The following FER1L5 variants were observed in gnomAD, a reference collection of about 807,000 sequenced individuals.
FER1L5 encodes the protein fer-1-like protein 5.
In FER1L5, 187 loss-of-function variants were observed where a neutral mutation model predicts 279.9. That is an observed-to-expected ratio of 0.67 (90% CI 0.59 to 0.75). FER1L5 has a LOEUF of 0.75. FER1L5 is among the 30% of genes least tolerant of loss of function. The pLI is 0.00. For missense variants in FER1L5, 2,091 were observed against 2,594.4 expected (o/e 0.81, Z 4.21); for synonymous variants, 921 against 989.7 (o/e 0.93, Z 1.30).
chr2:96,645,727 C>T (rs2075091705), intron 1 of FER1L5, among the ~76,000 whole-genome samples: 1 of 152,042 alleles, frequency 6.6e-6, no homozygotes, highest in Admixed American at 6.6e-5. Flanking sequence ...ATTGAGCCCA[C>T]ATCATGCCAC....
At chr2:96,696,981 C>T (rs1310376965) in intron 37 of FER1L5, among the ~76,000 whole-genome samples, 2 of 152,140 alleles carry the variant, frequency 1.3e-5, no homozygotes, top group South Asian at 2.1e-4. Flanking sequence ...TTAGCTCAAG[C>T]GATCCTCCCA....
At chr2:96,665,552 C>G (rs1444127506) in intron 14 of FER1L5, among the ~76,000 whole-genome samples, 1 of 152,042 alleles carries the variant, frequency 6.6e-6, no homozygotes, top group Non-Finnish European at 1.5e-5. Context: ...TGTGGCTGTT[C>G]AGAGCCTTGG....
intron 9 of FER1L5, among the ~76,000 whole-genome samples, chr2:96,659,290 T>TTCCTTCCTTCCCTCCTTCC (rs1553449027): frequency 1.2e-5 from 1 of 80,942 alleles, no homozygotes; most frequent in Non-Finnish European, 2.7e-5. Flanking sequence ...TTTATCAAGC[T>TTCCTTCCTTCCCTCCTTCC]TTCCTTCCTT....
chr2:96,660,455 C>G, intron 10 of FER1L5, 84 bp downstream of exon 10: 12 of 1,219,856 alleles, frequency 9.8e-6, no homozygotes, highest in African/African-American at 1.5e-5. Flanking sequence ...CCCATATGTC[C>G]AACACATGGG....
At chr2:96,659,470 T>TTTCCTTCTTTCTTTCC (rs2075844543) in intron 9 of FER1L5, among the ~76,000 whole-genome samples, 1 of 27,984 alleles carries the variant, frequency 3.6e-5, no homozygotes, top group Non-Finnish European at 5.5e-5. Flanking sequence ...TCTTTCTTTC[T>TTTCCTTCTTTCTTTCC]TTCTTTCTTT....
At chr2:96,658,855 T>C (rs2075704588) in intron 9 of FER1L5, among the ~76,000 whole-genome samples, 1 of 152,170 alleles carries the variant, frequency 6.6e-6, no homozygotes, top group Non-Finnish European at 1.5e-5. Flanking sequence ...TTGTTTTCCT[T>C]GGATTGTTTG....
Position 96,670,194 on chromosome 2 carries a change from T to C in FER1L5, c.1438T>C (p.Ser480Pro). 5 of 1,551,478 alleles carry C rather than the reference T, an allele frequency of 3.2e-6. No homozygotes were observed. The highest frequency in any genetic ancestry group is 4.4e-6 in the Non-Finnish European group (5 of 1,146,930). ...CCTGGAGTTAATCACCCAAATCAAG[T>C]CCTATCAAGACTCCACGATAAAGGA... Reference protein sequence around the residue: ...VFLELITQIKSYQDSTIKDLS... With the variant: ...VFLELITQIKPYQDSTIKDLS... The change falls in exon 18 of 53, where the codon TCC (serine) becomes CCC (proline). Residue 480 changes from serine to proline, a missense_variant. Transcript: ENST00000624922.
Position 96,661,770 on chromosome 2 carries a change from T to C in FER1L5, c.997T>C (p.Cys333Arg). ...NMAYLQLFIY[C>R]AEDLHLKKHQ... ...GGCTTACTTACAGCTCTTCATCTAC[T>C]GCGCAGAGGACCTTCACCTCAGTTA... The change falls in exon 12 of 53, where the codon TGC becomes CGC. Residue 333 changes from cysteine (C) to arginine (R), a missense_variant. By Grantham distance (180) the Cys-to-Arg change is radical. Coordinates refer to ENST00000624922, the MANE Select transcript of FER1L5 (RefSeq NM_001293083.2). 1 of 1,551,726 alleles carries C rather than the reference T, an allele frequency of 6.4e-7. No homozygotes were observed. The highest frequency in any genetic ancestry group is 1.2e-5 in the South Asian group (1 of 84,064).
At chr2:96,645,805 AAAAGT>A in intron 1 of FER1L5, among the ~76,000 whole-genome samples, 1 of 152,220 alleles carries the variant, frequency 6.6e-6, no homozygotes, top group Non-Finnish European at 1.5e-5. Flanking sequence ...CACACAAAAG[AAAAGT>A]AAAGAAAAAA....
At chr2:96,695,076 T>C (rs2077314669) in intron 34 of FER1L5, 1 of 163,340 alleles carries the variant, frequency 6.1e-6, no homozygotes, top group African/African-American at 2.4e-5. Context: ...TGAATGGCCA[T>C]GGGGTCCTCA....
intron 6 of FER1L5, among the ~76,000 whole-genome samples, chr2:96,650,529 C>T (rs947701947): frequency 6.6e-6 from 1 of 152,188 alleles, no homozygotes; most frequent in Non-Finnish European, 1.5e-5. Flanking sequence ...TGTGCACTGG[C>T]AGGCCCTGGT....
At chr2:96,666,472 G>A (rs1261356928) in intron 14 of FER1L5, among the ~76,000 whole-genome samples, 1 of 151,524 alleles carries the variant, frequency 6.6e-6, no homozygotes, top group East Asian at 1.9e-4. Flanking sequence ...CCCCTTAGCT[G>A]TCAGGACCCA....
At position 96,695,736 on chromosome 2, in the gene FER1L5, T is replaced by C. The variant is rs913134794; in HGVS notation, c.3895-6T>C. ...TCACGCTCCCCACGTCTCCTCGGGA[T>C]TGCAGCTCATGCCGACGGAGGAGGC... On this transcript the variant is annotated splice_polypyrimidine_tract_variant and splice_region_variant and intron_variant, in intron 35 of 52. Transcript: ENST00000624922. 2.5e-6 allele frequency: 4 copies of C among 1,611,978 alleles called. No individual in the cohort carries two copies. In the South Asian group the frequency reaches 4.4e-5, roughly 18 times the overall value.
chr2:96,688,498 C>A (rs567638865), intron 24 of FER1L5, among the ~76,000 whole-genome samples: 3 of 152,176 alleles, frequency 2.0e-5, no homozygotes, highest in Non-Finnish European at 4.4e-5. Context: ...GCTCTAGAAC[C>A]AGAGGAGGGG....
intron 24 of FER1L5, 35 bp downstream of exon 24, chr2:96,687,982 G>C (rs1230978936): frequency 5.2e-6 from 8 of 1,548,996 alleles, no homozygotes; most frequent in African/African-American, 1.4e-5. Flanking sequence ...GCCAGGGCAG[G>C]CACGCGGGGG....
Position 96,699,712 on chromosome 2 carries a change from C to G in FER1L5, c.4773C>G (p.Ser1591=), listed in dbSNP as rs775790593. The G allele has an allele frequency of 6.2e-7, 1 of 1,613,932 alleles. No homozygotes were observed. Among genetic ancestry groups the G allele is most frequent in the South Asian group, 1.1e-5 (1 of 91,084 alleles). Reference sequence around the variant, plus strand: ...GAGCTCATTGTGGGCTCTCCAAATCCTACTGCCAGTGAGAGTGGGCCCGTC... The same window carrying G: ...GAGCTCATTGTGGGCTCTCCAAATCGTACTGCCAGTGAGAGTGGGCCCGTC... ...GFGAHCGLSK[S]YCQSGPFRWR... Residue 1591 remains serine, a synonymous_variant, in exon 43 of 53, where the codon TCC becomes TCG. Coordinates refer to ENST00000624922, the MANE Select transcript of FER1L5 (RefSeq NM_001293083.2).
chr2:96,649,732 A>G, intron 5 of FER1L5, 55 bp downstream of exon 5: 1 of 1,523,838 alleles, frequency 6.6e-7, no homozygotes, highest in Non-Finnish European at 8.9e-7. Context: ...TTCTGCATGC[A>G]CAGCTGGATG....
chr2:96,691,362 T>C lies in FER1L5; in HGVS notation c.2907+9T>C, dbSNP rs1573938347. The C allele has an allele frequency of 6.5e-7, 1 of 1,546,376 alleles. No homozygotes were observed. The highest frequency in any genetic ancestry group is 8.7e-7 in the Non-Finnish European group (1 of 1,143,954). On this transcript the variant is annotated intron_variant, in intron 28 of 52. Coordinates refer to ENST00000624922, the MANE Select transcript of FER1L5 (RefSeq NM_001293083.2). The surrounding 1 kb of genome is among the most constrained non-coding windows in gnomAD (Gnocchi z 6.0). The stretch of plus-strand genomic sequence containing the variant: ...TCTCCTTCCTGCAGCTGGTGAGGGG[T>C]CGACGGGCGCCCTGGCTGGGACTGC...
chr2:96,691,919 A>C lies in FER1L5; in HGVS notation c.3170A>C (p.Asp1057Ala). ...DRQFRDPQRQ[D>A]TRPPNLPFIY... ...CAGTTCAGGGACCCCCAGAGGCAGGACACCCGGCCCCCCAACTTGCCCTTC... is the reference window on the plus strand; with the variant it reads ...CAGTTCAGGGACCCCCAGAGGCAGGCCACCCGGCCCCCCAACTTGCCCTTC... Residue 1057 changes from aspartate to alanine, a missense_variant, in exon 30 of 53, where the codon GAC (aspartate) becomes GCC (alanine). Transcript: ENST00000624922. The surrounding 1 kb of genome is among the most constrained non-coding windows in gnomAD (Gnocchi z 6.0). 1.3e-6 allele frequency: 2 copies of C among 1,546,144 alleles called. No individual in the cohort carries two copies. The highest frequency in any genetic ancestry group is 1.7e-6 in the Non-Finnish European group (2 of 1,145,850).
Sources: gnomAD v4.1 joint callset for allele counts (sites outside exome capture counted in the v4.1 genomes callset) on GRCh38, gnomAD v4.1.1 for gene constraint, Gnocchi (gnomAD v3.1) non-coding constraint, MANE v1.5 for transcripts, NCBI Gene and HGNC (gene_info 2026-07-23, HGNC 2026-07-21) for gene names.